Variants in SMARCC1 observed in about 807,000 individuals in gnomAD.
SMARCC1 encodes the protein SWI/SNF related BAF chromatin remodeling complex subunit C1.
In SMARCC1, 43 loss-of-function variants were observed where a neutral mutation model predicts 147.4. The ratio of observed to expected loss-of-function variants is 0.29; its 90% CI spans 0.23 to 0.38. The LOEUF is 0.38. Ranked by LOEUF, SMARCC1 falls within the 10% of genes least tolerant of loss-of-function variation. SMARCC1 has a pLI of 1.00. For missense variants in SMARCC1, 1,119 were observed against 1,381.1 expected, an observed-to-expected ratio of 0.81 and a Z score of 3.01; for synonymous variants, 495 against 484.4, an observed-to-expected ratio of 1.02 and a Z score of -0.29.
At chr3:47,600,070 CCTTT>C (rs1431922250) in intron 26 of SMARCC1, among the ~76,000 whole-genome samples, 1 of 152,182 alleles carries the variant, frequency 6.6e-6, no homozygotes, top group Non-Finnish European at 1.5e-5. Context: ...GCTAAAAAAA[CCTTT>C]CTTTTCATTT....
chr3:47,605,596 C>T (rs530677732), intron 26 of SMARCC1, among the ~76,000 whole-genome samples: 1 of 152,016 alleles, frequency 6.6e-6, no homozygotes. Context: ...ATATAGTGAG[C>T]CCATGTCTCT....
chr3:47,685,557 A>G (rs1446133132), intron 14 of SMARCC1, among the ~76,000 whole-genome samples: 1 of 138,650 alleles, frequency 7.2e-6, no homozygotes, highest in East Asian at 2.0e-4. Flanking sequence ...GTTTTTCTTT[A>G]AAAAAAAAAA....
intron 2 of SMARCC1, among the ~76,000 whole-genome samples, chr3:47,772,016 C>G (rs935605287): frequency 6.6e-6 from 1 of 151,830 alleles, no homozygotes; most frequent in African/African-American, 2.4e-5. Flanking sequence ...TTGCAGTGAG[C>G]CGAAATCACA....
Position 47,678,316 on chromosome 3 carries a change from A to C in SMARCC1, c.1458-5T>G. Reference sequence around the variant, plus strand: ...AAATTTCGATATGCCAAGTATCTAAAAAGCAATGGCAAAATTCATAAGGTG... The same window carrying C: ...AAATTTCGATATGCCAAGTATCTAACAAGCAATGGCAAAATTCATAAGGTG... On this transcript the variant is annotated splice_polypyrimidine_tract_variant and splice_region_variant and intron_variant, in intron 15 of 27. Coordinates refer to ENST00000254480, the MANE Select transcript of SMARCC1 (RefSeq NM_003074.4). 1.3e-6 allele frequency: 2 copies of C among 1,503,514 alleles called. No homozygotes were observed. Among genetic ancestry groups the C allele is most frequent in the Non-Finnish European group, 1.8e-6 (2 of 1,091,186 alleles). The allele number at this position is 1,503,514 out of a possible 1,614,324, so 93.1% of individuals were successfully genotyped here.
chr3:47,674,147 T>C (rs1457006553), intron 18 of SMARCC1, among the ~76,000 whole-genome samples: 1 of 152,272 alleles, frequency 6.6e-6, no homozygotes, highest in Non-Finnish European at 1.5e-5. Flanking sequence ...TTTCTGCCAT[T>C]CTTGTAATTT....
Position 47,781,781 on chromosome 3 carries a change from C to T in SMARCC1, c.17G>A (p.Gly6Asp). 1 of 1,468,334 alleles carries T rather than the reference C, an allele frequency of 6.8e-7. No individual in the cohort carries two copies. Among genetic ancestry groups the T allele is most frequent in the Non-Finnish European group, 9.0e-7 (1 of 1,111,764 alleles). 91.0% of individuals were successfully genotyped at this position (1,468,334 alleles called of 1,614,324 possible). A position where few individuals can be genotyped will look rare whatever the true frequency, so the allele number is the denominator to read the frequency against. The change falls in exon 1 of 28, where the codon GGC (glycine) becomes GAC (aspartate). Residue 6 changes from glycine to aspartate, a missense_variant. Coordinates refer to ENST00000254480, the MANE Select transcript of SMARCC1 (RefSeq NM_003074.4). MAAAA[G>D]GGGPGTAVGA... ...TACCGCTGTCCCCGGCCCGCCGCCG[C>T]CCGCCGCTGCGGCCATCGTCGCAGC...
intron 21 of SMARCC1, among the ~76,000 whole-genome samples, chr3:47,654,737 AATT>A (rs1292466085): frequency 6.6e-6 from 1 of 152,224 alleles, no homozygotes; most frequent in African/African-American, 2.4e-5. Flanking sequence ...AGGGTCCTGA[AATT>A]ATAACAACCC....
intron 25 of SMARCC1, among the ~76,000 whole-genome samples, chr3:47,611,602 T>C (rs149439020): frequency 1.4e-4 from 22 of 152,322 alleles, no homozygotes; most frequent in Non-Finnish European, 2.6e-4. Flanking sequence ...TAGGGAAGTA[T>C]AACATTTTTG....
At position 47,675,509 on chromosome 3, in the gene SMARCC1, C is replaced by T. The variant is rs2033557143; in HGVS notation, c.1805G>A (p.Arg602His). The change falls in exon 18 of 28, where the codon CGT becomes CAT. Residue 602 changes from arginine (R) to histidine (H), a missense_variant. This residue lies in a region of SMARCC1 where 178 missense variants were observed against 264.6 expected (regional missense o/e 0.67). Transcript: ENST00000254480. ...KPVDLQNFGL[R>H]TDIYSKKTLA... ...TGTTTTCTTGGAGTAAATGTCAGTA[C>T]GGAGACCAAAGTTCTGCAAATCAAC... 1.2e-6 allele frequency: 2 copies of T among 1,610,332 alleles called. No individual in the cohort carries two copies. Among genetic ancestry groups the T allele is most frequent in the Non-Finnish European group, 1.7e-6 (2 of 1,176,646 alleles).
At chr3:47,702,534 T>C (rs1207746891) in intron 10 of SMARCC1, among the ~76,000 whole-genome samples, 3 of 152,112 alleles carry the variant, frequency 2.0e-5, no homozygotes, top group East Asian at 3.9e-4. Context: ...GGCAGAAGAA[T>C]TGCTCGAGGC....
intron 26 of SMARCC1, among the ~76,000 whole-genome samples, 154 bp from the exon 27 acceptor site, chr3:47,590,991 T>C (rs1256086052): frequency 1.3e-5 from 2 of 152,228 alleles, no homozygotes; most frequent in Non-Finnish European, 2.9e-5. Flanking sequence ...TATGTTTAGC[T>C]TTTTGTATTC....
intron 9 of SMARCC1, among the ~76,000 whole-genome samples, chr3:47,710,330 T>C (rs2034068737): frequency 6.6e-6 from 1 of 151,842 alleles, no homozygotes; most frequent in African/African-American, 2.4e-5. Context: ...AAAATATATA[T>C]ACATACTAAA....
intron 13 of SMARCC1, 111 bp downstream of exon 13, chr3:47,689,276 G>T (rs1438523286): frequency 1.2e-6 from 1 of 814,646 alleles, no homozygotes; most frequent in Non-Finnish European, 2.0e-6. Flanking sequence ...TCAAAAACCA[G>T]AAGGGCTTCA....
chr3:47,704,567 A>G (rs1179703775), intron 10 of SMARCC1, among the ~76,000 whole-genome samples: 16 of 152,268 alleles, frequency 1.1e-4, no homozygotes, highest in Non-Finnish European at 1.5e-5. Context: ...GCTCCCTGCA[A>G]AGATCTCATG....
At chr3:47,594,482 G>C (rs947447745) in intron 26 of SMARCC1, among the ~76,000 whole-genome samples, 5 of 152,212 alleles carry the variant, frequency 3.3e-5, no homozygotes, top group Non-Finnish European at 7.3e-5. Context: ...ATCTAGGACA[G>C]AAATAGGCAG....
intron 10 of SMARCC1, among the ~76,000 whole-genome samples, chr3:47,703,229 C>T (rs937237781): frequency 5.9e-5 from 9 of 152,140 alleles, no homozygotes; most frequent in African/African-American, 2.2e-4. Context: ...CCATCACGCC[C>T]GGCCTCCAAA....
At chr3:47,770,354 C>T (rs902321908) in intron 2 of SMARCC1, among the ~76,000 whole-genome samples, 1 of 152,128 alleles carries the variant, frequency 6.6e-6, no homozygotes, top group Non-Finnish European at 1.5e-5. Context: ...GGCACAGTGG[C>T]TCACACCTAT....
chr3:47,639,670 C>T (rs1231330877), intron 21 of SMARCC1, among the ~76,000 whole-genome samples: 1 of 152,098 alleles, frequency 6.6e-6, no homozygotes, highest in Admixed American at 6.5e-5. Context: ...GCCGAGATTG[C>T]ACCACTGCAC....
At chr3:47,775,570 A>G (rs534698417) in intron 1 of SMARCC1, among the ~76,000 whole-genome samples, 25 of 150,796 alleles carry the variant, frequency 1.7e-4, no homozygotes, top group Middle Eastern at 3.5e-3. Flanking sequence ...TCAGGAGATC[A>G]AGACCAACCT....
Sources: gnomAD v4.1 joint callset for allele counts (sites outside exome capture counted in the v4.1 genomes callset) on GRCh38, gnomAD v4.1.1 for gene constraint, gnomAD v4.1.1 regional missense constraint, MANE v1.5 for transcripts, NCBI Gene and HGNC (gene_info 2026-07-23, HGNC 2026-07-21) for gene names.